The following EYA1 variants were observed in gnomAD, a reference collection of about 807,000 sequenced individuals.
EYA1 encodes EYA transcriptional coactivator and phosphatase 1, also known as protein phosphatase EYA1.
EYA1 carries 16 observed loss-of-function variants against 82.0 expected under a neutral mutation model. The observed-to-expected ratio is 0.20, with a 90% CI of 0.13 to 0.30. The LOEUF (loss-of-function observed/expected upper bound fraction) is 0.30. EYA1 is among the 10% of genes least tolerant of loss of function. The probability of loss-of-function intolerance (pLI) is 1.00; values close to 1 mark genes in which losing one functional copy is unlikely to be tolerated. For synonymous variants in EYA1, 261 were observed against 264.4 expected (o/e 0.99, Z 0.12); for missense variants, 633 against 730.7 (o/e 0.87, Z 1.54).
At chr8:71,229,222 T>C (rs1368700136) in intron 12 of EYA1, among the ~76,000 whole-genome samples, 1 of 152,006 alleles carries the variant, frequency 6.6e-6, no homozygotes, top group African/African-American at 2.4e-5. Context: ...TCTCTCTCCC[T>C]CAAGGCAGTG....
chr8:71,290,507 CTTG>C (rs954817548), intron 9 of EYA1, among the ~76,000 whole-genome samples: 1 of 151,930 alleles, frequency 6.6e-6, no homozygotes, highest in Non-Finnish European at 1.5e-5. Flanking sequence ...ATATAAAAAT[CTTG>C]TTATGTATAA....
At chr8:71,491,178 G>A (rs1004866166) in intron 2 of EYA1, among the ~76,000 whole-genome samples, 1 of 152,128 alleles carries the variant, frequency 6.6e-6, no homozygotes, top group Admixed American at 6.6e-5. Context: ...GCAGCCATAG[G>A]GCTCGAACTC....
chr8:71,530,353 A>T (rs1346998561), intron 2 of EYA1, among the ~76,000 whole-genome samples: 1 of 152,148 alleles, frequency 6.6e-6, no homozygotes, highest in Non-Finnish European at 1.5e-5. Context: ...TTGAATTTGG[A>T]CTTCTAGCCT....
chr8:71,462,209 C>G (rs1563638371), intron 2 of EYA1, among the ~76,000 whole-genome samples: 1 of 152,172 alleles, frequency 6.6e-6, no homozygotes, highest in Admixed American at 6.5e-5. Context: ...TCAAGGGGTA[C>G]CTGCAGGCCA....
chr8:71,365,890 A>AG (rs1827724429), upstream of EYA1, among the ~76,000 whole-genome samples: 1 of 152,210 alleles, frequency 6.6e-6, no homozygotes, highest in Non-Finnish European at 1.5e-5. Context: ...AATGTCTACC[A>AG]ATATTTTGTG....
chr8:71,489,076 A>T (rs187974492), intron 2 of EYA1, among the ~76,000 whole-genome samples: 32 of 152,342 alleles, frequency 2.1e-4, no homozygotes, highest in African/African-American at 7.7e-4. Context: ...TCACGCCAGG[A>T]AAGCTGTTTC....
chr8:71,217,405 T>C (rs973661923), intron 12 of EYA1, among the ~76,000 whole-genome samples: 8 of 152,230 alleles, frequency 5.3e-5, no homozygotes, highest in African/African-American at 1.9e-4. Flanking sequence ...AAATGTAACA[T>C]GCTAGAAAAA....
intron 2 of EYA1, among the ~76,000 whole-genome samples, chr8:71,386,194 G>C (rs998851606): frequency 2.0e-5 from 3 of 151,816 alleles, no homozygotes; most frequent in African/African-American, 2.4e-5. Flanking sequence ...AAAACTCTAG[G>C]GACTCCACAA....
intron 9 of EYA1, among the ~76,000 whole-genome samples, chr8:71,276,070 A>T (rs920680492): frequency 8.5e-5 from 13 of 152,212 alleles, no homozygotes; most frequent in Admixed American, 8.5e-4. Flanking sequence ...TTGCATCAGG[A>T]TATGAATCAA....
intron 7 of EYA1, among the ~76,000 whole-genome samples, chr8:71,301,987 T>C (rs62506574): frequency 0.11 from 16,161 of 152,094 alleles, 1,024 homozygotes; most frequent in South Asian, 0.22. Context: ...CAATTTATTA[T>C]TGATATTATA....
rs1586548130 is a variant in EYA1, at chr8:71,361,741, T to C, written c.-149A>G. ...TTCCTGACATAGTTTTGCTCCTGGA[T>C]GGGTACGCGCGGGGGCTCTCAGGCG... On this transcript the variant is annotated 5_prime_UTR_variant, in exon 1 of 18. Transcript: ENST00000340726. The C allele has an allele frequency of 2.0e-6, 2 of 985,520 alleles. No homozygotes were observed. Among genetic ancestry groups the C allele is most frequent in the Non-Finnish European group, 2.4e-6 (2 of 829,996 alleles). The allele number at this position is 985,520 out of a possible 1,614,324, so 61.0% of individuals were successfully genotyped here. A position where few individuals can be genotyped will look rare whatever the true frequency, so the allele number is the denominator to read the frequency against.
chr8:71,418,469 G>A (rs1300901844), intron 2 of EYA1, among the ~76,000 whole-genome samples: 1 of 151,984 alleles, frequency 6.6e-6, no homozygotes, highest in Non-Finnish European at 1.5e-5. Flanking sequence ...TTGGCATACA[G>A]AATAATATCT....
At chr8:71,284,510 TTCC>T (rs1479073962) in intron 9 of EYA1, among the ~76,000 whole-genome samples, 3 of 152,216 alleles carry the variant, frequency 2.0e-5, no homozygotes, top group African/African-American at 7.2e-5. Context: ...GGACTTCAGT[TTCC>T]TCAACAGTAA....
intron 3 of EYA1, among the ~76,000 whole-genome samples, chr8:71,341,249 TA>T (rs1825094748): frequency 6.6e-6 from 1 of 152,128 alleles, no homozygotes; most frequent in Admixed American, 6.5e-5. Context: ...AAATAAGCCT[TA>T]AAAGGACCCT....
At chr8:71,334,319 T>C (rs1278936998) in intron 3 of EYA1, 145 bp from the exon 4 acceptor site, 2 of 736,124 alleles carry the variant, frequency 2.7e-6, no homozygotes, top group African/African-American at 1.8e-5. Flanking sequence ...TAAGCATAAA[T>C]AGACTCCTTT....
At chr8:71,491,259 A>T (rs1304537100) in intron 2 of EYA1, among the ~76,000 whole-genome samples, 1 of 152,160 alleles carries the variant, frequency 6.6e-6, no homozygotes, top group Non-Finnish European at 1.5e-5. Flanking sequence ...TTTTTAAAAA[A>T]AGCACTAAGA....
intron 2 of EYA1, among the ~76,000 whole-genome samples, chr8:71,488,783 C>T (rs148125505): frequency 5.3e-4 from 81 of 152,300 alleles, no homozygotes; most frequent in African/African-American, 1.9e-3. Context: ...TTCACAAGAA[C>T]ATTCATGAGA....
At chr8:71,269,892 A>C in intron 10 of EYA1, 69 bp from the exon 11 acceptor site, 1 of 1,214,660 alleles carries the variant, frequency 8.2e-7, no homozygotes, top group Non-Finnish European at 1.2e-6. Context: ...GTTAACTTCA[A>C]CACGAAAAAG....
At chr8:71,356,796 CCT>C in intron 1 of EYA1, 3 of 1,092,042 alleles carry the variant, frequency 2.7e-6, no homozygotes, top group Non-Finnish European at 3.4e-6. Context: ...TGGGATTACC[CCT>C]CCCCCAATCA....
Sources: gnomAD v4.1 joint callset for allele counts (sites outside exome capture counted in the v4.1 genomes callset) on GRCh38, gnomAD v4.1.1 for gene constraint, MANE v1.5 for transcripts, NCBI Gene and HGNC (gene_info 2026-07-23, HGNC 2026-07-21) for gene names.